Variants in ANKRD30BL observed in about 807,000 individuals in gnomAD.
ANKRD30BL encodes ankyrin repeat domain 30B like, also known as putative ankyrin repeat domain-containing protein 30B-like.
A neutral mutation model predicts 18.4 loss-of-function variants in ANKRD30BL; 20 were observed. The ratio of observed to expected loss-of-function variants is 1.09; its 90% CI spans 0.77 to 1.58. The LOEUF is 1.58. Among genes scored for constraint, ANKRD30BL ranks in the 40% most tolerant of loss-of-function variants. ANKRD30BL has a pLI of 0.00. For synonymous variants in ANKRD30BL, 72 were observed against 100.9 expected (o/e 0.71, Z 1.72); for missense variants, 224 against 268.6 (o/e 0.83, Z 1.16).
chr2:132,213,304 T>C (rs1271470873), intron 1 of ANKRD30BL, among the ~76,000 whole-genome samples: 1 of 152,036 alleles, frequency 6.6e-6, no homozygotes, highest in Non-Finnish European at 1.5e-5. Flanking sequence ...AAAGGAATTA[T>C]CTTCACATAA....
rs564863187 is a variant in ANKRD30BL, at chr2:132,249,947, A to G, written n.441+7582T>C. On this transcript the variant is annotated intron_variant and non_coding_transcript_variant, in intron 1 of 4. Coordinates refer to the ANKRD30BL transcript ENST00000470729. ...GAGATGAACACACACATCACAAAGC[A>G]GTTTATCATAAATCTTCTTTCTAGT... 6.6e-5 allele frequency among the ~76,000 whole-genome samples: 10 copies of G among 152,312 alleles called. No individual in the cohort carries two copies. In the East Asian group the frequency reaches 1.9e-3, roughly 29 times the overall value.
At chr2:132,183,304 G>T (rs1440343229) in intron 1 of ANKRD30BL, among the ~76,000 whole-genome samples, 1 of 151,978 alleles carries the variant, frequency 6.6e-6, no homozygotes, top group Non-Finnish European at 1.5e-5. Flanking sequence ...GCTAATTTTT[G>T]TATTTGTAGT....
At chr2:132,240,982 T>A (rs1239404515) in intron 1 of ANKRD30BL, among the ~76,000 whole-genome samples, 1 of 150,020 alleles carries the variant, frequency 6.7e-6, no homozygotes, top group Non-Finnish European at 1.5e-5. Context: ...GCTTTGAGGC[T>A]TTCTTTGGAA....
At chr2:132,202,333 A>G (rs935413805) in intron 1 of ANKRD30BL, among the ~76,000 whole-genome samples, 1 of 152,172 alleles carries the variant, frequency 6.6e-6, no homozygotes, top group Non-Finnish European at 1.5e-5. Flanking sequence ...ATAAATAAAT[A>G]AAGAGGGCAT....
chr2:132,161,974 C>T (rs1262806094), upstream of ANKRD30BL: 1 of 353,028 alleles, frequency 2.8e-6, no homozygotes, highest in Non-Finnish European at 5.2e-6. Flanking sequence ...ATGCGCAACT[C>T]AGCAGACCTG....
intron 1 of ANKRD30BL, among the ~76,000 whole-genome samples, chr2:132,211,483 A>C (rs975777232): frequency 2.6e-5 from 4 of 152,200 alleles, no homozygotes; most frequent in Admixed American, 2.0e-4. Flanking sequence ...CCTTTGATTG[A>C]GCAGTTTTTA....
chr2:132,175,427 C>T (rs1404292699), intron 1 of ANKRD30BL, among the ~76,000 whole-genome samples: 3 of 152,214 alleles, frequency 2.0e-5, no homozygotes. Flanking sequence ...ACATGTCTTG[C>T]CTCCTGCCAT....
At chr2:132,229,263 C>T (rs79488518) in intron 1 of ANKRD30BL, among the ~76,000 whole-genome samples, 10 of 151,590 alleles carry the variant, frequency 6.6e-5, no homozygotes, top group African/African-American at 1.5e-4. Flanking sequence ...TCGGGTCTAC[C>T]GTACAAAAGG....
chr2:132,233,384 G>A (rs1386460514), intron 1 of ANKRD30BL, among the ~76,000 whole-genome samples: 2 of 143,690 alleles, frequency 1.4e-5, no homozygotes, highest in Admixed American at 7.1e-5. Context: ...AAAAGACACA[G>A]ACTGGCAAAT....
intron 1 of ANKRD30BL, among the ~76,000 whole-genome samples, chr2:132,198,268 T>TTTCTTTCTTTCTTTC (rs1428022123): frequency 2.7e-5 from 3 of 109,776 alleles, no homozygotes; most frequent in African/African-American, 1.5e-4. Flanking sequence ...TCTTTCTTTC[T>TTTCTTTCTTTCTTTC]TTTCTTTCTT....
chr2:132,183,986 A>C (rs991235173), intron 1 of ANKRD30BL, among the ~76,000 whole-genome samples: 1 of 152,150 alleles, frequency 6.6e-6, no homozygotes, highest in African/African-American at 2.4e-5. Flanking sequence ...ACCAACAGTA[A>C]GTGAGGATAG....
intron 1 of ANKRD30BL, among the ~76,000 whole-genome samples, chr2:132,221,562 G>T (rs1223743471): frequency 7.9e-6 from 1 of 127,244 alleles, no homozygotes. Context: ...TCAGCCCCCC[G>T]CCCGGCCAGC....
intron 1 of ANKRD30BL, among the ~76,000 whole-genome samples, chr2:132,208,291 T>A (rs1679249619): frequency 6.6e-6 from 1 of 152,178 alleles, no homozygotes; most frequent in Non-Finnish European, 1.5e-5. Context: ...AAAGAGCCTC[T>A]AACAGTTTTC....
At chr2:132,211,119 T>C (rs1451380487) in intron 1 of ANKRD30BL, among the ~76,000 whole-genome samples, 2 of 146,982 alleles carry the variant, frequency 1.4e-5, no homozygotes, top group East Asian at 2.0e-4. Flanking sequence ...CATCTCACAG[T>C]GCTTAACATT....
At chr2:132,216,497 T>A (rs1040335940) in intron 1 of ANKRD30BL, among the ~76,000 whole-genome samples, 20 of 152,012 alleles carry the variant, frequency 1.3e-4, no homozygotes, top group African/African-American at 4.6e-4. Context: ...TTTGTTCGCT[T>A]TGAGGCCTAT....
At chr2:132,200,601 C>T (rs1679078179) in intron 1 of ANKRD30BL, among the ~76,000 whole-genome samples, 1 of 152,092 alleles carries the variant, frequency 6.6e-6, no homozygotes, top group African/African-American at 2.4e-5. Flanking sequence ...TGTGAAGTAC[C>T]TCTTCAAGGA....
chr2:132,178,945 A>T (rs898036848), intron 1 of ANKRD30BL, among the ~76,000 whole-genome samples: 2 of 151,516 alleles, frequency 1.3e-5, no homozygotes, highest in Admixed American at 6.6e-5. Flanking sequence ...GAGAATGGTG[A>T]TGCATTTTGC....
At chr2:132,163,415 C>G (rs1423128702), upstream of ANKRD30BL, among the ~76,000 whole-genome samples, 4 of 152,112 alleles carry the variant, frequency 2.6e-5, no homozygotes, top group East Asian at 7.7e-4. Context: ...GTGCCACAAA[C>G]AAGGAATGAG....
At chr2:132,235,012 G>T (rs1680116177) in intron 1 of ANKRD30BL, among the ~76,000 whole-genome samples, 1 of 152,022 alleles carries the variant, frequency 6.6e-6, no homozygotes. Flanking sequence ...TTCATCCCTG[G>T]GATGCAAGGC....
Sources: allele counts gnomAD v4.1 joint callset (sites outside exome capture counted in the v4.1 genomes callset), GRCh38; gene constraint gnomAD v4.1.1; transcripts MANE v1.5; gene names NCBI Gene and HGNC (gene_info 2026-07-23, HGNC 2026-07-21).